Variants in TNC observed in about 807,000 individuals in gnomAD.
TNC encodes the protein tenascin C.
TNC carries 109 observed loss-of-function variants against 202.4 expected under a neutral mutation model. The observed-to-expected ratio is 0.54, with a 90% CI of 0.46 to 0.63. TNC has a LOEUF of 0.63. Ranked by LOEUF, TNC falls within the 30% of genes least tolerant of loss-of-function variation. The pLI is 0.00. For synonymous variants in TNC, 1,007 were observed against 1,089.7 expected, an observed-to-expected ratio of 0.92 and a Z score of 1.50; for missense variants, 2,756 against 2,833.3, an observed-to-expected ratio of 0.97 and a Z score of 0.62.
intron 26 of TNC, 22 bp from the exon 27 acceptor site, chr9:115,024,158 G>T (rs1392470772): frequency 6.2e-7 from 1 of 1,606,092 alleles, no homozygotes; most frequent in Non-Finnish European, 8.5e-7. Context: ...AGAAAATATG[G>T]ACCTGAGAAA....
Position 115,063,117 on chromosome 9 carries a change from G to A in TNC, c.3833C>T (p.Thr1278Met), listed in dbSNP as rs199670097. 44 of 1,614,184 alleles carry A rather than the reference G, an allele frequency of 2.7e-5. No homozygotes were observed. Among genetic ancestry groups the A allele is most frequent in the East Asian group, 6.7e-5 (3 of 44,884 alleles). The change falls in exon 13 of 28, where the codon ACG (threonine) becomes ATG (methionine). Residue 1278 changes from threonine (T) to methionine (M), a missense_variant. By Grantham distance (81) the Thr-to-Met change is moderately conservative. Around this residue, in one of 2 missense-constraint regions of TNC, gnomAD observed 2,559 missense variants for 2,546.0 expected, o/e 1.01. Transcript: ENST00000350763. ...SWDALRLNWTTPDGTYDQFTI... is the reference protein window; with the variant it reads ...SWDALRLNWTMPDGTYDQFTI... ...AAACTGGTCATAGGTTCCATCTGGC[G>A]TGGTCCAGTTCAGTCTGAGAGCATC... is the stretch of plus-strand genomic sequence containing the variant.
rs768723277 is a variant in TNC at position 115,064,943 on chromosome 9, C to T, written c.3215-24G>A. On this transcript the variant is annotated intron_variant, in intron 10 of 27. Coordinates refer to ENST00000350763, the MANE Select transcript of TNC (RefSeq NM_002160.4). ...TTCTGAATAATGACAGAGATGGGGT[C>T]AGTTAAACTATTCCTCAGAAAGTTT... is the stretch of plus-strand genomic sequence containing the variant. 5.6e-6 allele frequency: 9 copies of T among 1,600,826 alleles called. No homozygotes were observed. In the South Asian group the frequency reaches 8.9e-5, roughly 16 times the overall value.
intron 1 of TNC, among the ~76,000 whole-genome samples, chr9:115,102,001 G>T (rs1836274603): frequency 6.6e-6 from 1 of 152,132 alleles, no homozygotes; most frequent in African/African-American, 2.4e-5. Flanking sequence ...TGTTGATTTT[G>T]CCAGAGCCTG....
Position 115,077,923 on chromosome 9 carries a change from A to C in TNC, c.2674+20T>G. On this transcript the variant is annotated intron_variant, in intron 7 of 27. Transcript: ENST00000350763. ...CAATCTTTCCTTTACTATATCTGTT[A>C]ACAGGGGGAGGCCTTTTACCTGTTG... is the stretch of plus-strand genomic sequence containing the variant. 1 of 1,609,976 alleles carries C rather than the reference A, an allele frequency of 6.2e-7. No homozygotes were observed. The highest frequency in any genetic ancestry group is 8.5e-7 in the Non-Finnish European group (1 of 1,176,968).
At chr9:115,074,768 CAT>C (rs78724386) in intron 9 of TNC, among the ~76,000 whole-genome samples, 13,870 of 152,224 alleles carry the variant, frequency 0.091, 729 homozygotes, top group Middle Eastern at 0.2. Context: ...CACAAATCTA[CAT>C]GTGTGATAAA....
At chr9:115,042,150 G>A (rs1359854614) in intron 18 of TNC, 69 bp downstream of exon 18, 3 of 1,548,190 alleles carry the variant, frequency 1.9e-6, no homozygotes, top group Middle Eastern at 1.9e-4. Context: ...AAAATTATCA[G>A]GGTCTTTTTC....
In TNC at chr9:115,064,837, C is replaced by A. The variant is rs760563282; in HGVS notation, c.3297G>T (p.Gln1099His). 4 of 1,614,172 alleles carry A rather than the reference C, an allele frequency of 2.5e-6. No homozygotes were observed. Among genetic ancestry groups the A allele is most frequent in the Middle Eastern group, 1.6e-4 (1 of 6,062 alleles). Residue 1099 changes from glutamine (Q) to histidine (H), a missense_variant, in exon 11 of 28, where the codon CAG becomes CAT. Coordinates refer to ENST00000350763, the MANE Select transcript of TNC (RefSeq NM_002160.4). ...GLRLNWTAAD[Q>H]AYEHFIIQVQ... ...CCTGAATGATAAAGTGCTCATAGGCCTGGTCAGCTGCGGTCCAGTTGAGTC... is the reference window on the plus strand; with the variant it reads ...CCTGAATGATAAAGTGCTCATAGGCATGGTCAGCTGCGGTCCAGTTGAGTC...
At position 115,063,993 on chromosome 9, in the gene TNC, G is replaced by A; in HGVS notation, c.3563C>T (p.Pro1188Leu). The change falls in exon 12 of 28, where the codon CCA becomes CTA. Residue 1188 changes from proline to leucine, a missense_variant. Pro to Leu is a moderately conservative substitution (Grantham distance 98). Transcript: ENST00000350763. ...GAAAAAGTACTCATAGGCCCCTTCT[G>A]GAGCAGTCCAGTTGAGTTTGAGGGC... ...WDALKLNWTA[P>L]EGAYEYFFIQ... The A allele has an allele frequency of 6.2e-7, 1 of 1,614,076 alleles. No individual in the cohort carries two copies.
chr9:115,040,322 G>T (rs940937642), intron 19 of TNC, among the ~76,000 whole-genome samples: 1 of 152,198 alleles, frequency 6.6e-6, no homozygotes, highest in Admixed American at 6.5e-5. Flanking sequence ...GGGATTAAAT[G>T]TGAAGGGTTT....
At chr9:115,083,243 C>T (rs1023525279) in intron 4 of TNC, among the ~76,000 whole-genome samples, 8 of 152,000 alleles carry the variant, frequency 5.3e-5, no homozygotes, top group East Asian at 1.9e-4. Flanking sequence ...GGGCCTGGTT[C>T]GTGGCATGCA....
intron 17 of TNC, among the ~76,000 whole-genome samples, chr9:115,046,086 G>A (rs548196788): frequency 2.8e-4 from 43 of 152,146 alleles, no homozygotes; most frequent in African/African-American, 9.4e-4. Flanking sequence ...AAAAAAAGAT[G>A]ATAATTGTAA....
In TNC at chr9:115,086,291, A is replaced by G. The variant is rs1834723780; in HGVS notation, c.1440T>C (p.Cys480=). The part of the protein sequence containing the change: ...CPNDCHQHGR[C]VNGMCVCDDG... ...CATCACAAACACACATGCCATTCACACAGCGGCCGTGCTGGTGACAGTCAT... is the reference window on the plus strand; with the variant it reads ...CATCACAAACACACATGCCATTCACGCAGCGGCCGTGCTGGTGACAGTCAT... Residue 480 remains cysteine (C), a synonymous_variant, in exon 3 of 28, where the codon TGT becomes TGC. Coordinates refer to ENST00000350763, the MANE Select transcript of TNC (RefSeq NM_002160.4). 6.2e-7 allele frequency: 1 copy of G among 1,614,032 alleles called. No homozygotes were observed. Among genetic ancestry groups the G allele is most frequent in the East Asian group, 2.2e-5 (1 of 44,888 alleles).
At chr9:115,075,897 G>C in intron 9 of TNC, 135 bp downstream of exon 9, 1 of 708,860 alleles carries the variant, frequency 1.4e-6, no homozygotes, top group South Asian at 1.7e-5. Context: ...TTCAACATTG[G>C]GGCTAGATGG....
Position 115,075,940 on chromosome 9 carries a change from CTT to C in TNC, c.2950+90_2950+91del, listed in dbSNP as rs774842494. ...GGGCCCTTTTTCCTCCAGGCTTCTACTTTTTCTCTTTAAATAGGTTTTGGCCA... is the reference window on the plus strand; with the variant it reads ...GGGCCCTTTTTCCTCCAGGCTTCTACTTTCTCTTTAAATAGGTTTTGGCCA... On this transcript the variant is annotated intron_variant, in intron 9 of 27. Transcript: ENST00000350763. 46 of 1,158,226 alleles carry C rather than the reference CTT, an allele frequency of 4.0e-5. No individual in the cohort carries two copies. The East Asian group carries it at 1.1e-3, about 27-fold the overall frequency. The allele number at this position is 1,158,226 out of a possible 1,614,324, so 71.7% of individuals were successfully genotyped here.
chr9:115,030,828 C>T (rs892630166), intron 23 of TNC, among the ~76,000 whole-genome samples: 3 of 152,144 alleles, frequency 2.0e-5, no homozygotes, highest in Non-Finnish European at 4.4e-5. Flanking sequence ...CTCCTCTGGT[C>T]CTCAGGAATG....
chr9:115,035,486 T>C (rs1269174292), intron 21 of TNC, 152 bp from the exon 22 acceptor site: 6 of 757,634 alleles, frequency 7.9e-6, no homozygotes, highest in Non-Finnish European at 6.1e-6. Context: ...AATAAGGTGG[T>C]TGAGCCAGAT....
chr9:115,040,207 T>C (rs1830627244), intron 19 of TNC, among the ~76,000 whole-genome samples: 1 of 152,244 alleles, frequency 6.6e-6, no homozygotes, highest in African/African-American at 2.4e-5. Context: ...CAGACCGACC[T>C]ATGTTCAAAT....
At chr9:115,105,948 G>A (rs189331760) in intron 1 of TNC, among the ~76,000 whole-genome samples, 148 of 152,226 alleles carry the variant, frequency 9.7e-4, no homozygotes, top group African/African-American at 3.3e-3. Context: ...TGATTATTCT[G>A]TTTGAAGTGA....
intron 1 of TNC, among the ~76,000 whole-genome samples, chr9:115,105,022 G>A (rs1015741829): frequency 6.6e-6 from 1 of 152,178 alleles, no homozygotes; most frequent in African/African-American, 2.4e-5. Context: ...GATCCAATGT[G>A]CTAATATTCA....
Sources: allele counts gnomAD v4.1 joint callset (sites outside exome capture counted in the v4.1 genomes callset), GRCh38; gene constraint gnomAD v4.1.1; regional missense constraint gnomAD v4.1.1; transcripts MANE v1.5; gene names NCBI Gene and HGNC (gene_info 2026-07-23, HGNC 2026-07-21).